MSRB3: variants seen among roughly 807,000 people sequenced by gnomAD.
MSRB3 encodes methionine-R-sulfoxide reductase B3.
Under a neutral mutation model 21.0 loss-of-function variants are expected in MSRB3, and 13 were observed. The ratio of observed to expected loss-of-function variants is 0.62; its 90% confidence interval spans 0.40 to 0.98. The LOEUF is 0.98. MSRB3 is among the 50% of genes least tolerant of loss of function. The pLI, the probability that MSRB3 is intolerant of heterozygous loss-of-function variation, is 0.00. For missense variants in MSRB3, 199 were observed against 230.3 expected (o/e 0.86, Z 0.88); for synonymous variants, 87 against 88.6 (o/e 0.98, Z 0.10).
intron 5 of MSRB3, among the ~76,000 whole-genome samples, chr12:65,380,406 T>C (rs1878875198): frequency 6.6e-6 from 1 of 151,954 alleles, no homozygotes; most frequent in South Asian, 2.1e-4. Flanking sequence ...TGAAAACCCA[T>C]CTCTACTAAA....
At chr12:65,453,616 A>G in intron 5 of MSRB3, 112 bp from the exon 6 acceptor site, 1 of 833,640 alleles carries the variant, frequency 1.2e-6, no homozygotes, top group East Asian at 2.5e-5. Context: ...TGAAAAGTTA[A>G]ACATACACTA....
intron 5 of MSRB3, among the ~76,000 whole-genome samples, chr12:65,382,747 G>A (rs1400217454): frequency 1.3e-5 from 2 of 151,322 alleles, no homozygotes; most frequent in Non-Finnish European, 2.9e-5. Flanking sequence ...ATTTTTTCTA[G>A]CTATATGGTT....
chr12:65,351,138 A>G (rs1876954753), intron 4 of MSRB3, among the ~76,000 whole-genome samples: 2 of 152,188 alleles, frequency 1.3e-5, no homozygotes, highest in East Asian at 3.9e-4. Flanking sequence ...CGATCAAACT[A>G]GAGCTCAGGA....
At chr12:65,427,245 A>G (rs1881645759) in intron 5 of MSRB3, among the ~76,000 whole-genome samples, 1 of 152,128 alleles carries the variant, frequency 6.6e-6, no homozygotes, top group Non-Finnish European at 1.5e-5. Flanking sequence ...TGGGGGATGT[A>G]GCAATTCTAG....
At position 65,352,870 on chromosome 12, in the gene MSRB3, G is replaced by A. The variant is rs1413025556; in HGVS notation, c.264-16128G>A. ...CTCATGGATAGGAAGAATCAATATC[G>A]TGAAAATGGCCATACTGCCCAAGGT... On this transcript the variant is annotated intron_variant, in intron 4 of 6. Coordinates refer to ENST00000308259, the MANE Select transcript of MSRB3 (RefSeq NM_001031679.3). Among the ~76,000 whole-genome samples, 392 of 151,534 alleles carry A rather than the reference G, an allele frequency of 2.6e-3. 1 individual carries two copies. Among genetic ancestry groups the A allele is most frequent in the African/African-American group, 8.7e-3 (360 of 41,270 alleles).
chr12:65,383,499 T>G (rs1879048159), intron 5 of MSRB3, among the ~76,000 whole-genome samples: 1 of 152,174 alleles, frequency 6.6e-6, no homozygotes. Flanking sequence ...CCAGTGTCAC[T>G]TTAATTATGC....
chr12:65,355,790 T>C (rs1395586496), intron 4 of MSRB3, among the ~76,000 whole-genome samples: 2 of 151,790 alleles, frequency 1.3e-5, no homozygotes, highest in African/African-American at 2.4e-5. Flanking sequence ...CAAAGACCCA[T>C]TGAACTTAAG....
intron 5 of MSRB3, among the ~76,000 whole-genome samples, chr12:65,384,062 T>C (rs539029877): frequency 6.6e-6 from 1 of 152,348 alleles, no homozygotes; most frequent in Non-Finnish European, 1.5e-5. Context: ...ACAGATTATA[T>C]TCTTAAATGT....
intron 6 of MSRB3, among the ~76,000 whole-genome samples, chr12:65,456,995 T>C (rs2136708879): frequency 6.6e-6 from 1 of 152,242 alleles, no homozygotes; most frequent in Admixed American, 6.5e-5. Context: ...ATTTTCTTTC[T>C]TTTTTTAAAA....
At chr12:65,322,679 A>G (rs946208643) in intron 2 of MSRB3, among the ~76,000 whole-genome samples, 17 of 150,742 alleles carry the variant, frequency 1.1e-4, no homozygotes, top group South Asian at 4.2e-4. Context: ...AAAAAAAAAA[A>G]AAGAAGAAGA....
intron 5 of MSRB3, among the ~76,000 whole-genome samples, chr12:65,448,985 T>C (rs1882738764): frequency 6.6e-6 from 1 of 152,162 alleles, no homozygotes; most frequent in Non-Finnish European, 1.5e-5. Flanking sequence ...AGAATCATTT[T>C]TTAAATGAGA....
At chr12:65,300,956 G>A (rs1873292286) in intron 1 of MSRB3, among the ~76,000 whole-genome samples, 1 of 152,110 alleles carries the variant, frequency 6.6e-6, no homozygotes, top group Admixed American at 6.6e-5. Context: ...AACCACAAGG[G>A]GGCCAGGAAG....
chr12:65,350,984 T>G (rs1254283698), intron 4 of MSRB3, among the ~76,000 whole-genome samples: 1 of 149,468 alleles, frequency 6.7e-6, no homozygotes, highest in Non-Finnish European at 1.5e-5. Context: ...TACAGAACTC[T>G]CCACCCCAAA....
intron 3 of MSRB3, among the ~76,000 whole-genome samples, chr12:65,328,263 A>G (rs993680575): frequency 6.6e-6 from 1 of 152,066 alleles, no homozygotes; most frequent in Non-Finnish European, 1.5e-5. Flanking sequence ...TTTTAATAGA[A>G]AAAAATCTTT....
chr12:65,447,100 C>T (rs1013248401), intron 5 of MSRB3, among the ~76,000 whole-genome samples: 3 of 152,070 alleles, frequency 2.0e-5, no homozygotes, highest in Admixed American at 6.6e-5. Flanking sequence ...ATTCAGGGAA[C>T]GCCAGGATGA....
chr12:65,306,884 C>A, intron 1 of MSRB3: 1 of 985,862 alleles, frequency 1.0e-6, no homozygotes. Context: ...TGCCTCTCTT[C>A]CTGTGCGCTG....
At chr12:65,444,044 G>A (rs1360822052) in intron 5 of MSRB3, among the ~76,000 whole-genome samples, 9 of 152,078 alleles carry the variant, frequency 5.9e-5, no homozygotes, top group Admixed American at 5.9e-4. Context: ...GCTTGGTGTT[G>A]AAGTTGTAGT....
At chr12:65,332,090 G>A (rs1875461754) in intron 4 of MSRB3, among the ~76,000 whole-genome samples, 1 of 152,172 alleles carries the variant, frequency 6.6e-6, no homozygotes, top group African/African-American at 2.4e-5. Flanking sequence ...TTTTAGCAGA[G>A]CAGGCAAAGA....
intron 5 of MSRB3, among the ~76,000 whole-genome samples, chr12:65,450,596 T>G (rs1205379467): frequency 2.6e-5 from 4 of 152,180 alleles, no homozygotes; most frequent in Non-Finnish European, 4.4e-5. Flanking sequence ...ATGGAATGCA[T>G]CCAAAACAAA....
Sources: allele counts gnomAD v4.1 joint callset (sites outside exome capture counted in the v4.1 genomes callset), GRCh38; gene constraint gnomAD v4.1.1; transcripts MANE v1.5; gene names NCBI Gene and HGNC (gene_info 2026-07-23, HGNC 2026-07-21).